The following RIMS2 variants were observed in gnomAD, a reference collection of about 807,000 sequenced individuals.
The protein encoded by RIMS2 is regulating synaptic membrane exocytosis 2, also known as regulating synaptic membrane exocytosis protein 2.
Under a neutral mutation model 174.4 loss-of-function variants are expected in RIMS2, and 59 were observed. The observed-to-expected ratio is 0.34, with a 90% CI of 0.27 to 0.42. The LOEUF is 0.42. Ranked by LOEUF, RIMS2 falls within the 10% of genes least tolerant of loss-of-function variation. The probability of loss-of-function intolerance (pLI) is 1.00; values close to 1 mark genes in which losing one functional copy is unlikely to be tolerated. For missense variants in RIMS2, 1,620 were observed against 1,666.3 expected (o/e 0.97, Z 0.48); for synonymous variants, 606 against 572.5 (o/e 1.06, Z -0.84).
At chr8:103,971,146 T>C (rs930724934) in intron 15 of RIMS2, among the ~76,000 whole-genome samples, 1 of 152,208 alleles carries the variant, frequency 6.6e-6, no homozygotes, top group Non-Finnish European at 1.5e-5. Flanking sequence ...CCTAGTCATG[T>C]ACAATTTTAG....
At chr8:103,831,597 A>G (rs1047554740) in intron 3 of RIMS2, among the ~76,000 whole-genome samples, 6 of 152,288 alleles carry the variant, frequency 3.9e-5, no homozygotes, top group South Asian at 2.1e-4. Context: ...TCATAATGAT[A>G]TGAAATCTAA....
intron 14 of RIMS2, among the ~76,000 whole-genome samples, chr8:103,944,698 G>A (rs969224407): frequency 3.9e-5 from 6 of 151,950 alleles, no homozygotes; most frequent in Non-Finnish European, 8.8e-5. Flanking sequence ...ATCCCCATAT[G>A]ATCTTTCTGG....
chr8:103,919,987 A>G (rs961980986), intron 9 of RIMS2, among the ~76,000 whole-genome samples: 5 of 152,242 alleles, frequency 3.3e-5, no homozygotes, highest in African/African-American at 9.6e-5. Flanking sequence ...AATTTTTACA[A>G]CAATCCTATG....
At chr8:103,750,889 A>T (rs2097880672) in intron 2 of RIMS2, among the ~76,000 whole-genome samples, 1 of 152,118 alleles carries the variant, frequency 6.6e-6, no homozygotes, top group African/African-American at 2.4e-5. Context: ...GTCCCCAACC[A>T]AATCTCATCT....
chr8:104,177,368 G>A (rs1274855638), intron 19 of RIMS2, among the ~76,000 whole-genome samples: 1 of 151,994 alleles, frequency 6.6e-6, no homozygotes, highest in Admixed American at 6.6e-5. Context: ...TATTTCCATA[G>A]GGACTACATT....
At chr8:103,584,052 C>T (rs1410655167) in intron 1 of RIMS2, among the ~76,000 whole-genome samples, 3 of 152,038 alleles carry the variant, frequency 2.0e-5, no homozygotes, top group Non-Finnish European at 2.9e-5. Context: ...TTAATAAACT[C>T]CCAAAGGTCA....
chr8:103,718,945 C>T (rs1294708812), intron 2 of RIMS2, among the ~76,000 whole-genome samples: 1 of 152,080 alleles, frequency 6.6e-6, no homozygotes, highest in African/African-American at 2.4e-5. Context: ...CCACTGTGCC[C>T]CTCCTCCAAC....
intron 16 of RIMS2, among the ~76,000 whole-genome samples, chr8:103,986,021 G>T (rs1455307052): frequency 6.6e-6 from 1 of 152,072 alleles, no homozygotes; most frequent in Non-Finnish European, 1.5e-5. Flanking sequence ...AAGTTCAAGA[G>T]ATCTATTGTA....
intron 19 of RIMS2, among the ~76,000 whole-genome samples, chr8:104,136,100 CTG>C (rs2098517140): frequency 6.6e-6 from 1 of 152,206 alleles, no homozygotes; most frequent in South Asian, 2.1e-4. Flanking sequence ...GAGAATTACT[CTG>C]TCTACTCAAT....
chr8:104,005,779 G>A (rs1039176255), intron 17 of RIMS2, among the ~76,000 whole-genome samples: 2 of 152,004 alleles, frequency 1.3e-5, no homozygotes, highest in Admixed American at 6.5e-5. Flanking sequence ...TAATGATGAG[G>A]GCTGCTATGA....
chr8:104,108,696 A>G (rs757520917), intron 19 of RIMS2, among the ~76,000 whole-genome samples: 38 of 152,200 alleles, frequency 2.5e-4, no homozygotes, highest in Non-Finnish European at 3.8e-4. Flanking sequence ...GGCAAAAATA[A>G]GAAAATTTGT....
chr8:104,207,544 A>C (rs2099086109), intron 19 of RIMS2, among the ~76,000 whole-genome samples: 1 of 152,018 alleles, frequency 6.6e-6, no homozygotes, highest in African/African-American at 2.4e-5. Flanking sequence ...AGTGGCTCAC[A>C]CCTGTAATCC....
chr8:103,919,412 T>C (rs73699006), intron 9 of RIMS2, among the ~76,000 whole-genome samples: 7,165 of 152,086 alleles, frequency 0.047, 562 homozygotes, highest in African/African-American at 0.16. Context: ...GCATAGTCTA[T>C]ATAACCCACT....
At chr8:103,502,895 G>C (rs1261174530) in intron 1 of RIMS2, among the ~76,000 whole-genome samples, 1 of 151,860 alleles carries the variant, frequency 6.6e-6, no homozygotes, top group African/African-American at 2.4e-5. Flanking sequence ...AAATTTAAGT[G>C]GACTTTAAGT....
chr8:103,901,139 T>C (rs933225588), intron 4 of RIMS2, among the ~76,000 whole-genome samples: 2 of 152,168 alleles, frequency 1.3e-5, no homozygotes, highest in African/African-American at 2.4e-5. Flanking sequence ...CTGATTGTTT[T>C]TGGGGAGCCC....
intron 2 of RIMS2, among the ~76,000 whole-genome samples, chr8:103,700,462 G>T (rs2097154705): frequency 6.6e-6 from 1 of 151,818 alleles, no homozygotes; most frequent in African/African-American, 2.4e-5. Context: ...TTGCATATAT[G>T]TATTGGGTTA....
intron 1 of RIMS2, among the ~76,000 whole-genome samples, chr8:103,525,927 C>G (rs1040362485): frequency 2.0e-5 from 3 of 152,126 alleles, no homozygotes; most frequent in East Asian, 3.8e-4. Context: ...CTGTTCGTAT[C>G]AGAGAGCTAA....
At chr8:103,652,224 C>T (rs2096463999) in intron 1 of RIMS2, 1 of 1,348,566 alleles carries the variant, frequency 7.4e-7, no homozygotes, top group South Asian at 1.1e-5. Context: ...AGAACACAAA[C>T]CACAACTGAC....
intron 1 of RIMS2, among the ~76,000 whole-genome samples, chr8:103,608,615 T>C: frequency 6.6e-6 from 1 of 150,636 alleles, no homozygotes; most frequent in Non-Finnish European, 1.5e-5. Flanking sequence ...CAGTTTGATC[T>C]CAGACTGCTG....
Sources: allele counts gnomAD v4.1 joint callset (sites outside exome capture counted in the v4.1 genomes callset), GRCh38; gene constraint gnomAD v4.1.1; transcripts MANE v1.5; gene names NCBI Gene and HGNC (gene_info 2026-07-23, HGNC 2026-07-21).